The following PDE1C variants were observed in gnomAD, a reference collection of about 807,000 sequenced individuals.
PDE1C encodes phosphodiesterase 1C.
PDE1C carries 62 observed loss-of-function variants against 93.1 expected under a neutral mutation model. That is an observed-to-expected ratio of 0.67 (90% CI 0.54 to 0.82). The LOEUF (loss-of-function observed/expected upper bound fraction) is 0.82, where lower values mean the gene tolerates loss of function less well. Among genes scored for constraint, PDE1C ranks in the 40% least tolerant of loss-of-function variants. PDE1C has a pLI of 0.00. For synonymous variants in PDE1C, 325 were observed against 310.1 expected (o/e 1.05, Z -0.50); for missense variants, 742 against 884.6 (o/e 0.84, Z 2.04).
chr7:31,950,938 G>T (rs1248628713), intron 2 of PDE1C, among the ~76,000 whole-genome samples: 3 of 152,138 alleles, frequency 2.0e-5, no homozygotes, highest in Non-Finnish European at 1.5e-5. Context: ...TTAAACAACA[G>T]AACTCAATTT....
the PDE1C span, among the ~76,000 whole-genome samples, chr7:31,726,311 G>A: frequency 1.3e-5 from 2 of 152,042 alleles, no homozygotes; most frequent in Non-Finnish European, 2.9e-5. Context: ...TCATACACTG[G>A]CCTCCCAAAG....
chr7:32,260,208 T>C (rs917117680), intron 1 of PDE1C, among the ~76,000 whole-genome samples: 2 of 152,196 alleles, frequency 1.3e-5, no homozygotes, highest in African/African-American at 4.8e-5. Flanking sequence ...AGGGAGGCAA[T>C]GAAGTGAAGA....
chr7:32,001,202 A>T (rs908753540), intron 2 of PDE1C, among the ~76,000 whole-genome samples: 4 of 152,216 alleles, frequency 2.6e-5, no homozygotes, highest in Non-Finnish European at 5.9e-5. Context: ...AGGACTGAGA[A>T]ATCTACAGTG....
chr7:31,912,599 A>G (rs1188088960), intron 2 of PDE1C, among the ~76,000 whole-genome samples: 1 of 152,084 alleles, frequency 6.6e-6, no homozygotes, highest in African/African-American at 2.4e-5. Context: ...AGGTGGGAGG[A>G]TCACCTGAGC....
chr7:31,832,984 T>A (rs1013580823), intron 11 of PDE1C, among the ~76,000 whole-genome samples: 9 of 152,192 alleles, frequency 5.9e-5, no homozygotes, highest in African/African-American at 1.9e-4. Context: ...TTTGGCTGTG[T>A]TCTCCCACCC....
chr7:32,283,988 C>A (rs1024896069), intron 1 of PDE1C, among the ~76,000 whole-genome samples: 1 of 152,100 alleles, frequency 6.6e-6, no homozygotes, highest in Non-Finnish European at 1.5e-5. Context: ...GGGACCAGGG[C>A]GGGAAGAAGC....
the PDE1C span, among the ~76,000 whole-genome samples, chr7:31,742,169 A>G: frequency 6.6e-6 from 1 of 152,226 alleles, no homozygotes; most frequent in Non-Finnish European, 1.5e-5. Flanking sequence ...GAGTACACGC[A>G]TCCTGCACAT....
At chr7:31,638,968 G>A in the PDE1C span, among the ~76,000 whole-genome samples, 2 of 152,104 alleles carry the variant, frequency 1.3e-5, no homozygotes, top group African/African-American at 4.8e-5. Context: ...GTAGACACGG[G>A]ATTTCACCAT....
chr7:31,861,432 C>T (rs760785724), intron 7 of PDE1C, among the ~76,000 whole-genome samples: 7 of 151,854 alleles, frequency 4.6e-5, no homozygotes, highest in Non-Finnish European at 8.8e-5. Context: ...CATGTTTATC[C>T]CTGATCTCCC....
At chr7:32,189,674 T>C (rs983007034) in intron 2 of PDE1C, among the ~76,000 whole-genome samples, 1 of 152,210 alleles carries the variant, frequency 6.6e-6, no homozygotes, top group South Asian at 2.1e-4. Flanking sequence ...CTGAGTCATG[T>C]TTAAATGGGA....
At chr7:32,042,758 C>A (rs953449500) in intron 2 of PDE1C, among the ~76,000 whole-genome samples, 3 of 152,184 alleles carry the variant, frequency 2.0e-5, no homozygotes, top group Non-Finnish European at 2.9e-5. Flanking sequence ...TGCTAACTGG[C>A]AGCTTTGTTC....
intron 2 of PDE1C, among the ~76,000 whole-genome samples, chr7:31,890,767 T>C (rs891079487): frequency 3.3e-5 from 5 of 151,968 alleles, no homozygotes; most frequent in Admixed American, 2.0e-4. Context: ...GCTAACAAGA[T>C]GCTGAATTGG....
chr7:32,205,579 A>C (rs1448459034), intron 2 of PDE1C, among the ~76,000 whole-genome samples: 1 of 146,486 alleles, frequency 6.8e-6, no homozygotes, highest in East Asian at 2.0e-4. Context: ...GGTGGAGCCA[A>C]AAAAGAGAAT....
At chr7:32,093,374 C>T (rs754955518) in intron 3 of PDE1C, among the ~76,000 whole-genome samples, 3 of 152,242 alleles carry the variant, frequency 2.0e-5, no homozygotes, top group African/African-American at 7.2e-5. Context: ...TCCAAAATCC[C>T]ATTCCCTTTT....
At chr7:32,298,538 C>G (rs1446158096) in intron 1 of PDE1C, 4 of 1,311,792 alleles carry the variant, frequency 3.0e-6, no homozygotes, top group East Asian at 5.4e-5. Flanking sequence ...GAGCACCCTC[C>G]GGCCCCAGCC....
chr7:32,379,242 C>T (rs975379281), intron 1 of PDE1C, among the ~76,000 whole-genome samples: 4 of 152,182 alleles, frequency 2.6e-5, no homozygotes, highest in Non-Finnish European at 5.9e-5. Context: ...CCTGGCAGCA[C>T]CAACATCCCC....
At chr7:32,268,102 C>T (rs1029449724) in intron 1 of PDE1C, among the ~76,000 whole-genome samples, 3 of 152,198 alleles carry the variant, frequency 2.0e-5, no homozygotes, top group Non-Finnish European at 2.9e-5. Flanking sequence ...AGGCCTGGAA[C>T]CCAAATGTGG....
intron 1 of PDE1C, among the ~76,000 whole-genome samples, chr7:32,396,491 A>AAAAAAT (rs1281177056): frequency 6.7e-6 from 1 of 148,214 alleles, no homozygotes; most frequent in Non-Finnish European, 1.5e-5. Context: ...AAACAAAAAT[A>AAAAAAT]AAAAATAAAG....
chr7:32,282,103 C>G (rs1312060355), intron 1 of PDE1C, among the ~76,000 whole-genome samples: 11 of 148,990 alleles, frequency 7.4e-5, no homozygotes, highest in East Asian at 4.0e-4. Flanking sequence ...CACATGTATA[C>G]ATATGTAACA....
Sources: allele counts gnomAD v4.1 joint callset (sites outside exome capture counted in the v4.1 genomes callset), GRCh38; gene constraint gnomAD v4.1.1; transcripts MANE v1.5; gene names NCBI Gene and HGNC (gene_info 2026-07-23, HGNC 2026-07-21).